Variants in ANXA2 observed in about 807,000 individuals in gnomAD.
ANXA2 encodes annexin A2.
Under a neutral mutation model 47.3 loss-of-function variants are expected in ANXA2, and 28 were observed. The observed-to-expected ratio is 0.59, with a 90% CI of 0.44 to 0.81. The LOEUF (loss-of-function observed/expected upper bound fraction) is 0.81, where lower values mean the gene tolerates loss of function less well. Ranked by LOEUF, ANXA2 falls within the 40% of genes least tolerant of loss-of-function variation. The pLI, the probability that ANXA2 is intolerant of heterozygous loss-of-function variation, is 0.00. For synonymous variants in ANXA2, 172 were observed against 155.5 expected, an observed-to-expected ratio of 1.11 and a Z score of -0.79; for missense variants, 384 against 414.3, an observed-to-expected ratio of 0.93 and a Z score of 0.64.
intron 3 of ANXA2, among the ~76,000 whole-genome samples, chr15:60,380,563 G>C (rs542347894): frequency 6.6e-6 from 1 of 151,624 alleles, no homozygotes; most frequent in South Asian, 2.1e-4. Context: ...CAGCACTTTG[G>C]GAGGCCAAGG....
intron 7 of ANXA2, 89 bp downstream of exon 7, chr15:60,355,830 G>A (rs2062420760): frequency 9.1e-7 from 1 of 1,093,408 alleles, no homozygotes; most frequent in Non-Finnish European, 1.4e-6. Context: ...AGGCACAGGG[G>A]ATTTAGTTAA....
chr15:60,381,855 A>G (rs2062864472), intron 3 of ANXA2, among the ~76,000 whole-genome samples: 1 of 152,180 alleles, frequency 6.6e-6, no homozygotes, highest in Non-Finnish European at 1.5e-5. Flanking sequence ...TCTTCCTTGC[A>G]GAAGAGGGAC....
rs544774245 is a variant in ANXA2, at chr15:60,385,430, G to C, written c.48+598C>G. 2.0e-5 allele frequency: 3 copies of C among 152,424 alleles called. No homozygotes were observed. The South Asian group carries it at 6.2e-4, about 32-fold the overall frequency. 9.4% of individuals were successfully genotyped at this position (152,424 alleles called of 1,614,324 possible). A position where few individuals can be genotyped will look rare whatever the true frequency, so the allele number is the denominator to read the frequency against. ...AAAATACAAAAATTAGCTGGGTGTA[G>C]TGGTGCACACCTGTAGTCCCAGCTA... On this transcript the variant is annotated intron_variant, in intron 2 of 12. Coordinates refer to ENST00000451270, the MANE Select transcript of ANXA2 (RefSeq NM_004039.3).
intron 1 of ANXA2, chr15:60,390,425 C>T: frequency 1.9e-6 from 1 of 526,072 alleles, no homozygotes. Context: ...TGGCAAGCAC[C>T]AACCCCACAA....
chr15:60,383,603 C>T (rs541567715), intron 2 of ANXA2: 1 of 152,360 alleles, frequency 6.6e-6, no homozygotes, highest in South Asian at 2.1e-4. Context: ...TACCCAGTCC[C>T]AAAGCTAAGG....
chr15:60,357,875 T>TG (rs2062457076), intron 5 of ANXA2, among the ~76,000 whole-genome samples: 2 of 152,098 alleles, frequency 1.3e-5, no homozygotes, highest in Admixed American at 1.3e-4. Context: ...CCTTTTGCTG[T>TG]GGGTAGATAA....
chr15:60,395,116 T>G (rs1041728853), intron 1 of ANXA2, among the ~76,000 whole-genome samples: 1 of 152,248 alleles, frequency 6.6e-6, no homozygotes, highest in African/African-American at 2.4e-5. Flanking sequence ...TTTAGGTCTG[T>G]GGAACAGCTG....
intron 1 of ANXA2, among the ~76,000 whole-genome samples, chr15:60,397,621 G>A (rs1314868658): frequency 4.6e-5 from 7 of 152,144 alleles, no homozygotes; most frequent in Non-Finnish European, 8.8e-5. Context: ...TGGAATGCGG[G>A]GCCTCCCTCC....
intron 3 of ANXA2, among the ~76,000 whole-genome samples, chr15:60,377,196 G>A (rs910529345): frequency 6.6e-5 from 10 of 152,190 alleles, no homozygotes; most frequent in African/African-American, 2.2e-4. Flanking sequence ...TCTAAAAAAA[G>A]AAGGTAAGAT....
chr15:60,393,240 T>A, intron 1 of ANXA2: 1 of 1,069,974 alleles, frequency 9.3e-7, no homozygotes, highest in East Asian at 8.8e-5. Flanking sequence ...CCTACTGACT[T>A]GTTGCAGCTT....
intron 1 of ANXA2, chr15:60,390,106 G>T: frequency 5.2e-6 from 1 of 191,518 alleles, no homozygotes. Context: ...AAATCAACTT[G>T]AAAACAATGA....
Position 60,360,115 on chromosome 15 carries a change from G to A in ANXA2, c.357+826C>T, listed in dbSNP as rs929557489. Among the ~76,000 whole-genome samples the A allele has an allele frequency of 1.2e-4, 18 of 152,130 alleles. 1 individual carries two copies. The East Asian group carries it at 1.3e-3, about 11-fold the overall frequency. The stretch of plus-strand genomic sequence containing the variant: ...CTACTAAAAATACAAAATTAGCTGG[G>A]CGTAGTGGCGCATGCCTGTAATCCC... On this transcript the variant is annotated intron_variant, in intron 5 of 12. Transcript: ENST00000451270.
chr15:60,397,296 T>C, intron 1 of ANXA2: 9 of 985,510 alleles, frequency 9.1e-6, no homozygotes, highest in Non-Finnish European at 1.1e-5. Context: ...CGGGAAACTC[T>C]CCGGGTAGAG....
intron 3 of ANXA2, 55 bp downstream of exon 3, chr15:60,382,287 A>G (rs2062872128): frequency 7.1e-7 from 1 of 1,405,566 alleles, no homozygotes; most frequent in Non-Finnish European, 1.0e-6. Flanking sequence ...ATAAAGAGAC[A>G]ACCAAAAATG....
rs1212093825 is a variant in ANXA2 at position 60,391,955 on chromosome 15, C to T, written c.-11-5869G>A. On this transcript the variant is annotated intron_variant, in intron 1 of 12. Coordinates refer to ENST00000451270, the MANE Select transcript of ANXA2 (RefSeq NM_004039.3). ...TTGATGAGTACATCTACATACACAT[C>T]AGTGCCGTGCCTTCCATTCCCAGGG... 4.6e-5 allele frequency among the ~76,000 whole-genome samples: 7 copies of T among 151,848 alleles called. No individual in the cohort carries two copies. The East Asian group carries it at 1.3e-3, about 29-fold the overall frequency.
chr15:60,397,250 G>A (rs2063092758), intron 1 of ANXA2: 4 of 984,238 alleles, frequency 4.1e-6, no homozygotes, highest in Non-Finnish European at 4.8e-6. Flanking sequence ...AATCATGGGG[G>A]ACACTACCTT....
At chr15:60,365,031 A>C (rs1051737050) in intron 3 of ANXA2, among the ~76,000 whole-genome samples, 2 of 56,006 alleles carry the variant, frequency 3.6e-5, no homozygotes, top group Non-Finnish European at 8.2e-5. Context: ...ATGACAAATG[A>C]GTCAGATTTA....
At chr15:60,371,629 G>T (rs899448545) in intron 3 of ANXA2, among the ~76,000 whole-genome samples, 6 of 152,212 alleles carry the variant, frequency 3.9e-5, no homozygotes, top group Admixed American at 3.3e-4. Context: ...AAGGTCTCGG[G>T]AGAGTGGGGG....
chr15:60,390,317 C>T, intron 1 of ANXA2: 1 of 1,049,980 alleles, frequency 9.5e-7, no homozygotes, highest in Non-Finnish European at 1.2e-6. Flanking sequence ...ACATTTTCAC[C>T]CTAGAAATAA....
Sources: allele counts gnomAD v4.1 joint callset (sites outside exome capture counted in the v4.1 genomes callset), GRCh38; gene constraint gnomAD v4.1.1; transcripts MANE v1.5; gene names NCBI Gene and HGNC (gene_info 2026-07-23, HGNC 2026-07-21).